FAT3: variants seen among roughly 807,000 people sequenced by gnomAD.
The protein encoded by FAT3 is protocadherin Fat 3.
In FAT3, 95 loss-of-function variants were observed where a neutral mutation model predicts 310.2. The observed-to-expected ratio is 0.31, with a 90% confidence interval of 0.26 to 0.36. FAT3 has a LOEUF of 0.36. Ranked by LOEUF, FAT3 falls within the 10% of genes least tolerant of loss-of-function variation. The pLI is 1.00. For missense variants in FAT3, 5,408 were observed against 5,715.6 expected (o/e 0.95, Z 1.74); for synonymous variants, 2,314 against 2,192.9 (o/e 1.06, Z -1.54).
At chr11:92,500,819 T>C (rs1952916608) in intron 2 of FAT3, among the ~76,000 whole-genome samples, 1 of 152,076 alleles carries the variant, frequency 6.6e-6, no homozygotes, top group Non-Finnish European at 1.5e-5. Context: ...TGTGTAAAGA[T>C]ACTTTAATCA....
chr11:92,651,649 G>T (rs1012080453), intron 3 of FAT3, among the ~76,000 whole-genome samples: 4 of 152,112 alleles, frequency 2.6e-5, no homozygotes, highest in African/African-American at 4.8e-5. Context: ...TAAATTCTTT[G>T]AAATTGTATT....
At chr11:92,293,555 T>TATATAA (rs1565206870) in intron 1 of FAT3, among the ~76,000 whole-genome samples, 1 of 127,572 alleles carries the variant, frequency 7.8e-6, no homozygotes, top group African/African-American at 2.9e-5. Flanking sequence ...TATATATAAA[T>TATATAA]AAAATATATT....
intron 3 of FAT3, among the ~76,000 whole-genome samples, chr11:92,572,204 C>A (rs1417646225): frequency 6.6e-6 from 1 of 152,144 alleles, no homozygotes; most frequent in Non-Finnish European, 1.5e-5. Context: ...ATGACAGCTC[C>A]AATTGAGTGA....
chr11:92,760,128 T>C (rs1316711654), intron 4 of FAT3, among the ~76,000 whole-genome samples: 1 of 152,198 alleles, frequency 6.6e-6, no homozygotes, highest in Non-Finnish European at 1.5e-5. Context: ...CCTTGGCACA[T>C]TTTGGTCCCA....
intron 3 of FAT3, among the ~76,000 whole-genome samples, chr11:92,567,985 T>TACTA (rs572684555): frequency 2.6e-4 from 39 of 152,132 alleles, no homozygotes; most frequent in African/African-American, 8.9e-4. Flanking sequence ...GGCACATGTG[T>TACTA]ACATATGTAA....
chr11:92,695,592 G>A (rs1943914155), intron 3 of FAT3, among the ~76,000 whole-genome samples: 1 of 152,112 alleles, frequency 6.6e-6, no homozygotes, highest in Non-Finnish European at 1.5e-5. Context: ...TTCCAAGTCT[G>A]TAGCAAAACT....
At chr11:92,780,260 C>T (rs922686140) in intron 7 of FAT3, among the ~76,000 whole-genome samples, 5 of 150,360 alleles carry the variant, frequency 3.3e-5, no homozygotes, top group South Asian at 2.1e-4. Context: ...TTCCTGGGCT[C>T]AAACAATCCT....
intron 2 of FAT3, among the ~76,000 whole-genome samples, chr11:92,475,071 C>T (rs1952011961): frequency 6.6e-6 from 1 of 152,096 alleles, no homozygotes; most frequent in Non-Finnish European, 1.5e-5. Flanking sequence ...CGGTTTTGGT[C>T]TTATCATCCT....
At chr11:92,437,238 A>G (rs1950959407) in intron 2 of FAT3, among the ~76,000 whole-genome samples, 3 of 152,190 alleles carry the variant, frequency 2.0e-5, no homozygotes, top group African/African-American at 7.2e-5. Context: ...GCTACTCTTA[A>G]CATCTTGTGG....
intron 2 of FAT3, among the ~76,000 whole-genome samples, chr11:92,369,197 T>G (rs1949117646): frequency 6.6e-6 from 1 of 152,198 alleles, no homozygotes; most frequent in South Asian, 2.1e-4. Flanking sequence ...TAGGACAATG[T>G]GAATCATTGT....
intron 2 of FAT3, among the ~76,000 whole-genome samples, chr11:92,416,219 CA>C (rs34393360): frequency 0.75 from 97,880 of 131,252 alleles, 37,415 homozygotes; most frequent in Non-Finnish European, 0.84. Flanking sequence ...ACTAAAGATA[CA>C]AAAAAAAAAA....
intron 2 of FAT3, among the ~76,000 whole-genome samples, chr11:92,402,730 T>C (rs895924114): frequency 8.4e-5 from 11 of 130,544 alleles, no homozygotes; most frequent in African/African-American, 3.0e-4. Context: ...AGACCCCCTC[T>C]CAAAAAAAAA....
intron 3 of FAT3, among the ~76,000 whole-genome samples, chr11:92,558,386 T>C (rs1379148732): frequency 1.4e-5 from 2 of 146,608 alleles, no homozygotes; most frequent in Non-Finnish European, 3.0e-5. Context: ...GATTCATATG[T>C]GCACGTGTTG....
intron 2 of FAT3, among the ~76,000 whole-genome samples, chr11:92,441,422 A>C (rs1591295370): frequency 6.6e-6 from 1 of 152,336 alleles, no homozygotes; most frequent in East Asian, 1.9e-4. Flanking sequence ...GAATAATCAA[A>C]AGCAGTAAAT....
chr11:92,364,283 T>C (rs1212038396), intron 2 of FAT3, among the ~76,000 whole-genome samples: 2 of 152,166 alleles, frequency 1.3e-5, no homozygotes, highest in African/African-American at 4.8e-5. Context: ...CAAGTGATGC[T>C]GTGTTATTTT....
intron 5 of FAT3, among the ~76,000 whole-genome samples, chr11:92,764,041 A>G (rs1946236437): frequency 6.6e-6 from 1 of 152,038 alleles, no homozygotes; most frequent in South Asian, 2.1e-4. Context: ...ATTTATTTTT[A>G]TTTTTGTTTT....
At position 92,524,609 on chromosome 11, in the gene FAT3, G is replaced by A; in HGVS notation, c.3293-25G>A. ...TAATGTCTTCCCTTTCTCTGTGACAGTAACACTTCTCTTTTTTGTCTCAGG... is the reference window on the plus strand; with the variant it reads ...TAATGTCTTCCCTTTCTCTGTGACAATAACACTTCTCTTTTTTGTCTCAGG... On this transcript the variant is annotated intron_variant, in intron 2 of 27. Transcript: ENST00000525166. 2.5e-6 allele frequency: 4 copies of A among 1,600,874 alleles called. No individual in the cohort carries two copies. The South Asian group carries it at 4.4e-5, about 18-fold the overall frequency.
chr11:92,863,247 G>GA (rs1949163267), intron 21 of FAT3, among the ~76,000 whole-genome samples: 1 of 152,014 alleles, frequency 6.6e-6, no homozygotes, highest in Admixed American at 6.6e-5. Flanking sequence ...CCAACTCAGG[G>GA]AAAACATAAA....
chr11:92,308,970 G>A (rs1016977662), intron 1 of FAT3, among the ~76,000 whole-genome samples: 11 of 151,958 alleles, frequency 7.2e-5, no homozygotes, highest in Non-Finnish European at 7.4e-5. Flanking sequence ...TGTTAATTGG[G>A]TCCTCTGGAA....
Sources: allele counts gnomAD v4.1 joint callset (sites outside exome capture counted in the v4.1 genomes callset), GRCh38; gene constraint gnomAD v4.1.1; transcripts MANE v1.5; gene names NCBI Gene and HGNC (gene_info 2026-07-23, HGNC 2026-07-21).